The following NUP153 variants were observed in gnomAD, a reference collection of about 807,000 sequenced individuals.
The protein encoded by NUP153 is nuclear pore complex protein Nup153.
Under a neutral mutation model 134.6 loss-of-function variants are expected in NUP153, and 27 were observed. That is an observed-to-expected ratio of 0.20 (90% confidence interval 0.15 to 0.28). NUP153 has a LOEUF of 0.28. Among genes scored for constraint, NUP153 ranks in the 10% least tolerant of loss-of-function variants. The pLI, the probability that NUP153 is intolerant of heterozygous loss-of-function variation, is 1.00. For synonymous variants in NUP153, 640 were observed against 623.5 expected (o/e 1.03, Z -0.40); for missense variants, 1,821 against 1,731.3 (o/e 1.05, Z -0.92).
At chr6:17,661,562 T>C in intron 11 of NUP153, 91 bp downstream of exon 11, 1 of 1,314,566 alleles carries the variant, frequency 7.6e-7, no homozygotes, top group Non-Finnish European at 1.0e-6. Context: ...TCTGGGTCTC[T>C]TCGAACCCCA....
chr6:17,690,392 A>G (rs753087280), intron 1 of NUP153, among the ~76,000 whole-genome samples: 1 of 151,094 alleles, frequency 6.6e-6, no homozygotes, highest in Non-Finnish European at 1.5e-5. Context: ...AAAAAAAAGT[A>G]TGGGCTTTGG....
intron 11 of NUP153, among the ~76,000 whole-genome samples, chr6:17,658,645 T>A (rs977177308): frequency 1.3e-5 from 2 of 152,184 alleles, no homozygotes; most frequent in Non-Finnish European, 2.9e-5. Flanking sequence ...TCATTCACCA[T>A]TTGAAGAAAA....
At chr6:17,618,339 A>G (rs1262973915) in intron 20 of NUP153, among the ~76,000 whole-genome samples, 1 of 152,232 alleles carries the variant, frequency 6.6e-6, no homozygotes, top group African/African-American at 2.4e-5. Context: ...ACAGTATTTA[A>G]TAAGAAACAC....
In NUP153 at chr6:17,675,184, A is replaced by G. The variant is rs878876051; in HGVS notation, c.723+45T>C. The G allele has an allele frequency of 6.3e-7, 1 of 1,593,268 alleles. No homozygotes were observed. The highest frequency in any genetic ancestry group is 1.2e-5 in the South Asian group (1 of 86,130). On this transcript the variant is annotated intron_variant, in intron 4 of 21. Transcript: ENST00000262077. The surrounding 1 kb of genome is among the most constrained non-coding windows in gnomAD (Gnocchi z 4.4). ...AAAAAAAAAAAATTATAAGCAATAA[A>G]CACTCAAAACTAATGTGATTAAATC...
chr6:17,616,423 T>C, intron 21 of NUP153, 104 bp downstream of exon 21: 1 of 1,045,342 alleles, frequency 9.6e-7, no homozygotes, highest in South Asian at 1.7e-5. Context: ...ATATTTAATT[T>C]TACCCAAACC....
intron 2 of NUP153, among the ~76,000 whole-genome samples, chr6:17,686,395 TTTTA>T (rs2113847783): frequency 6.6e-6 from 1 of 152,060 alleles, no homozygotes; most frequent in Non-Finnish European, 1.5e-5. Context: ...CAAACCTTTT[TTTTA>T]TTTCTTTTTT....
At chr6:17,685,928 A>G (rs1312055885) in intron 2 of NUP153, among the ~76,000 whole-genome samples, 1 of 152,070 alleles carries the variant, frequency 6.6e-6, no homozygotes, top group Non-Finnish European at 1.5e-5. Context: ...CAGGAGGCTC[A>G]CTTGAGGCCA....
intron 11 of NUP153, among the ~76,000 whole-genome samples, chr6:17,650,023 G>C (rs1766423883): frequency 6.6e-6 from 1 of 152,112 alleles, no homozygotes; most frequent in Non-Finnish European, 1.5e-5. Flanking sequence ...ACTGAACAAA[G>C]AGCACCCTAA....
chr6:17,654,322 C>G (rs1388141583), intron 11 of NUP153, among the ~76,000 whole-genome samples: 1 of 151,226 alleles, frequency 6.6e-6, no homozygotes, highest in Admixed American at 6.6e-5. Context: ...GACCTTGAAC[C>G]AATTTTTTTT....
chr6:17,678,574 C>T (rs1333022349), intron 2 of NUP153, among the ~76,000 whole-genome samples: 2 of 152,034 alleles, frequency 1.3e-5, no homozygotes, highest in Non-Finnish European at 2.9e-5. Flanking sequence ...TAATGCTCTC[C>T]TCAGTAAGTA....
At chr6:17,686,474 C>A (rs1768935341) in intron 2 of NUP153, among the ~76,000 whole-genome samples, 1 of 151,456 alleles carries the variant, frequency 6.6e-6, no homozygotes, top group African/African-American at 2.4e-5. Context: ...CGGCTCACTG[C>A]AAGCTCCGCC....
chr6:17,649,792 ATAAAT>A (rs1766410859), intron 11 of NUP153, among the ~76,000 whole-genome samples: 1 of 152,226 alleles, frequency 6.6e-6, no homozygotes, highest in Admixed American at 6.5e-5. Flanking sequence ...GTGCCTACTT[ATAAAT>A]TAAATTTCAT....
At chr6:17,684,203 C>G (rs1251909802) in intron 2 of NUP153, among the ~76,000 whole-genome samples, 1 of 152,168 alleles carries the variant, frequency 6.6e-6, no homozygotes, top group Non-Finnish European at 1.5e-5. Context: ...TATAAATTAC[C>G]CAGTCTCAAG....
At chr6:17,687,458 A>T (rs1381516600) in intron 2 of NUP153, among the ~76,000 whole-genome samples, 1 of 152,240 alleles carries the variant, frequency 6.6e-6, no homozygotes, top group Non-Finnish European at 1.5e-5. Flanking sequence ...AAAAGTACAG[A>T]CATTAAAACT....
intron 11 of NUP153, among the ~76,000 whole-genome samples, chr6:17,650,940 G>C (rs557668181): frequency 1.5e-4 from 23 of 151,722 alleles, no homozygotes; most frequent in Admixed American, 4.6e-4. Flanking sequence ...GTAACATAAA[G>C]TAATCTGAAA....
intron 11 of NUP153, among the ~76,000 whole-genome samples, chr6:17,651,345 A>C (rs985898851): frequency 1.3e-5 from 2 of 151,926 alleles, no homozygotes; most frequent in African/African-American, 4.8e-5. Context: ...ATAATAATAA[A>C]TATTAAATAA....
rs370438253 is a variant in NUP153 at position 17,632,691 on chromosome 6, G to A, written c.2618C>T (p.Ala873Val). The A allele has an allele frequency of 1.2e-6, 2 of 1,612,206 alleles. No individual in the cohort carries two copies. The highest frequency in any genetic ancestry group is 2.7e-5 in the African/African-American group (2 of 74,764). ...TGTGCCTGGCTTTGCACTTTCACATGCCAAACATTTGGTAGAGTCTGCCTT... is the reference window on the plus strand; with the variant it reads ...TGTGCCTGGCTTTGCACTTTCACATACCAAACATTTGGTAGAGTCTGCCTT... ...QNKADSTKCL[A>V]CESAKPGTKS... The change falls in exon 17 of 22, where the codon GCA (alanine) becomes GTA (valine). Residue 873 changes from alanine to valine, a missense_variant. Ala to Val is a moderately conservative substitution (Grantham distance 64, BLOSUM62 0). Transcript: ENST00000262077.
intron 2 of NUP153, among the ~76,000 whole-genome samples, chr6:17,676,700 C>T (rs1001511377): frequency 2.6e-5 from 4 of 152,102 alleles, no homozygotes; most frequent in African/African-American, 9.7e-5. Flanking sequence ...CAAAAAAAAA[C>T]TCACAAGGTG....
rs780097780 is a variant in NUP153, at chr6:17,649,185, G to A, written c.1511C>T (p.Ser504Leu). 5.0e-6 allele frequency: 8 copies of A among 1,613,332 alleles called. No individual in the cohort carries two copies. The highest frequency in any genetic ancestry group is 2.2e-5 in the South Asian group (2 of 90,972). Residue 504 changes from serine (S) to leucine (L), a missense_variant, in exon 12 of 22, where the codon TCG becomes TTG. Ser to Leu is a moderately radical substitution (Grantham distance 145, BLOSUM62 -2). Coordinates refer to ENST00000262077, the MANE Select transcript of NUP153 (RefSeq NM_005124.4). ...TACCTTGTTTGTTAATGCTTGAGAC[G>A]AATTGATGGGTGATGGAGAGGAAGT... ...ITTSSPSPIN[S>L]SQALTNKVQM...
Sources: gnomAD v4.1 joint callset for allele counts (sites outside exome capture counted in the v4.1 genomes callset) on GRCh38, gnomAD v4.1.1 for gene constraint, Gnocchi (gnomAD v3.1) non-coding constraint, MANE v1.5 for transcripts, NCBI Gene and HGNC (gene_info 2026-07-23, HGNC 2026-07-21) for gene names.